The following UBXN11 variants were observed in gnomAD, a reference collection of about 807,000 sequenced individuals.
UBXN11 encodes the protein UBX domain protein 11.
UBXN11 carries 47 observed loss-of-function variants against 62.8 expected under a neutral mutation model. The ratio of observed to expected loss-of-function variants is 0.75; its 90% CI spans 0.59 to 0.95. The LOEUF is 0.95. Ranked by LOEUF, UBXN11 falls within the 40% of genes least tolerant of loss-of-function variation. The pLI is 0.00. For synonymous variants in UBXN11, 294 were observed against 267.0 expected (o/e 1.10, Z -0.99); for missense variants, 638 against 661.7 (o/e 0.96, Z 0.39).
rs539486100 is a variant in UBXN11 at position 26,311,692 on chromosome 1, C to T, written c.-148-4988G>A. 1.3e-3 allele frequency among the ~76,000 whole-genome samples: 196 copies of T among 152,306 alleles called. 1 individual carries two copies. Among genetic ancestry groups the T allele is most frequent in the Admixed American group, 3.7e-3 (56 of 15,294 alleles). ...TCCTGACCTCGTGATCCGCCCGCCT[C>T]GGCCTCCCAGAGTGTTGGGATTACA... On this transcript the variant is annotated intron_variant, in intron 1 of 14. Coordinates refer to the UBXN11 transcript ENST00000374217.
intron 8 of UBXN11, among the ~76,000 whole-genome samples, chr1:26,291,592 C>T (rs1481225077): frequency 1.3e-5 from 2 of 152,288 alleles, no homozygotes; most frequent in African/African-American, 4.8e-5. Flanking sequence ...CCCCCCTGGC[C>T]AGGAGGAAGG....
In UBXN11 at chr1:26,305,925, C is replaced by T. The variant is rs564896869; in HGVS notation, c.-36+667G>A. ...TCACTGCCCATTCTGGGGGCTGTCA[C>T]ATGGCTCCCAACTGACTTCCCTACT... is the stretch of plus-strand genomic sequence containing the variant. On this transcript the variant is annotated intron_variant, in intron 1 of 14. Transcript: ENST00000374222. 4.6e-5 allele frequency among the ~76,000 whole-genome samples: 7 copies of T among 152,364 alleles called. No individual in the cohort carries two copies. The South Asian group carries it at 1.4e-3, about 32-fold the overall frequency.
At chr1:26,293,724 C>CAAAAA (rs1163207554) in intron 8 of UBXN11, among the ~76,000 whole-genome samples, 457 of 26,934 alleles carry the variant, frequency 0.017, 105 homozygotes, top group Middle Eastern at 0.12. Flanking sequence ...GACTCCGTCT[C>CAAAAA]AAAAAAAAAA....
At chr1:26,283,147 C>T (rs550343223) in intron 12 of UBXN11, among the ~76,000 whole-genome samples, 6 of 152,140 alleles carry the variant, frequency 3.9e-5, no homozygotes, top group African/African-American at 1.4e-4. Flanking sequence ...CCAGGTAACC[C>T]CCCGTTTCAG....
Position 26,282,328 on chromosome 1 carries a change from AGGGACT to A in UBXN11, c.1528_1533del (p.Ser510_Pro511del). 2 of 776,108 alleles carry A rather than the reference AGGGACT, an allele frequency of 2.6e-6. No individual in the cohort carries two copies. The highest frequency in any genetic ancestry group is 4.4e-5 in the South Asian group (2 of 45,190). 48.1% of individuals were successfully genotyped at this position (776,108 alleles called of 1,614,324 possible). ...TGGGGGCTGGGACTGGGTCCAGGAC[AGGGACT>A]GGGGCCGGGACCGGGACCGGGACTG... On this transcript the variant is annotated inframe_deletion, in exon 15 of 15. Coordinates refer to ENST00000374222, the MANE Select transcript of UBXN11 (RefSeq NM_001389556.1).
At chr1:26,317,343 G>C (rs553853624) in intron 1 of UBXN11, among the ~76,000 whole-genome samples, 1 of 152,130 alleles carries the variant, frequency 6.6e-6, no homozygotes, top group South Asian at 2.1e-4. Context: ...GGCCTAGAGA[G>C]GGAAAGCCCA....
chr1:26,284,274 A>C (rs891432670), intron 11 of UBXN11, 29 bp from the exon 12 acceptor site: 5 of 1,607,050 alleles, frequency 3.1e-6, no homozygotes, highest in Non-Finnish European at 4.3e-6. Flanking sequence ...ACCGGGGCCC[A>C]GGAAGGACTA....
Position 26,294,354 on chromosome 1 carries a change from G to A in UBXN11, c.433-23C>T, listed in dbSNP as rs769733914. ...CCGCTGTGGGAAAGAAGGGGGAGATGCGGGGCACCGTCAGCTCAGCCCCTT... is the reference window on the plus strand; with the variant it reads ...CCGCTGTGGGAAAGAAGGGGGAGATACGGGGCACCGTCAGCTCAGCCCCTT... On this transcript the variant is annotated intron_variant, in intron 7 of 14. Coordinates refer to ENST00000374222, the MANE Select transcript of UBXN11 (RefSeq NM_001389556.1). The A allele has an allele frequency of 4.0e-6, 6 of 1,485,736 alleles. No individual in the cohort carries two copies. In the Admixed American group the frequency reaches 8.0e-5, roughly 20 times the overall value. The allele number at this position is 1,485,736 out of a possible 1,614,324, so 92.0% of individuals were successfully genotyped here.
intron 10 of UBXN11, 67 bp downstream of exon 10, chr1:26,285,397 G>A: frequency 1.3e-6 from 2 of 1,573,482 alleles, no homozygotes; most frequent in Non-Finnish European, 1.7e-6. Context: ...GGAGGTGTCT[G>A]GGGAGGCTGT....
intron 1 of UBXN11, among the ~76,000 whole-genome samples, chr1:26,317,372 G>A (rs746264861): frequency 5.3e-5 from 8 of 152,186 alleles, no homozygotes; most frequent in South Asian, 2.1e-4. Flanking sequence ...CAGGCTTCCC[G>A]ATTCCTCACC....
chr1:26,305,303 A>T (rs1035031224), intron 1 of UBXN11, among the ~76,000 whole-genome samples: 15 of 152,162 alleles, frequency 9.9e-5, no homozygotes, highest in Non-Finnish European at 1.8e-4. Context: ...AAGTTACACA[A>T]ATGGAATTAT....
Position 26,301,030 on chromosome 1 carries a change from G to A in UBXN11, c.101-6C>T, listed in dbSNP as rs1042500084. ...CAACATGTCCACCTCATCTTCTGCA[G>A]ACAGGGATGCCTAGGTCACCGCTCT... On this transcript the variant is annotated splice_region_variant and splice_polypyrimidine_tract_variant and intron_variant, in intron 3 of 14. Coordinates refer to ENST00000374222, the MANE Select transcript of UBXN11 (RefSeq NM_001389556.1). The A allele has an allele frequency of 7.4e-6, 12 of 1,614,256 alleles. No homozygotes were observed. In the South Asian group the frequency reaches 1.1e-4, roughly 15 times the overall value.
intron 4 of UBXN11, 54 bp downstream of exon 4, chr1:26,300,872 T>G: frequency 2.5e-6 from 4 of 1,613,418 alleles, no homozygotes; most frequent in African/African-American, 2.7e-5. Context: ...TTGCCCCGTC[T>G]CTGGGGCCCC....
intron 1 of UBXN11, among the ~76,000 whole-genome samples, chr1:26,303,630 CAAAAAAA>C (rs5773154): frequency 1.2e-5 from 1 of 80,072 alleles, no homozygotes; most frequent in African/African-American, 5.2e-5. Context: ...AACTCCATCT[CAAAAAAA>C]AAAAAAAAAA....
At chr1:26,300,879 C>G in intron 4 of UBXN11, 47 bp downstream of exon 4, 1 of 1,613,328 alleles carries the variant, frequency 6.2e-7, no homozygotes, top group Non-Finnish European at 8.5e-7. Context: ...GTCTCTGGGG[C>G]CCCCTCCTGC....
intron 8 of UBXN11, among the ~76,000 whole-genome samples, chr1:26,287,043 C>G (rs1193271562): frequency 6.6e-6 from 1 of 151,976 alleles, no homozygotes; most frequent in African/African-American, 2.4e-5. Flanking sequence ...AGGAAACAGG[C>G]CCACAGAGAT....
At position 26,284,267 on chromosome 1, in the gene UBXN11, G is replaced by A. The variant is rs541675189; in HGVS notation, c.974-22C>T. The A allele has an allele frequency of 1.1e-4, 173 of 1,606,486 alleles. 1 individual carries two copies. In the South Asian group the frequency reaches 1.6e-3, roughly 15 times the overall value. Reference sequence around the variant, plus strand: ...GAGCCTACAGGCAGAGTTGGGAACCGGGGCCCAGGAAGGACTATGAGTGGT... The same window carrying A: ...GAGCCTACAGGCAGAGTTGGGAACCAGGGCCCAGGAAGGACTATGAGTGGT... On this transcript the variant is annotated intron_variant, in intron 11 of 14. Transcript: ENST00000374222.
intron 2 of UBXN11, among the ~76,000 whole-genome samples, chr1:26,302,121 T>A (rs1315190350): frequency 6.6e-6 from 1 of 151,996 alleles, no homozygotes; most frequent in Non-Finnish European, 1.5e-5. Context: ...TTCCAGCACT[T>A]TGGGAGGCCG....
intron 5 of UBXN11, among the ~76,000 whole-genome samples, chr1:26,297,728 C>G (rs1156567047): frequency 6.6e-6 from 1 of 152,220 alleles, no homozygotes; most frequent in Non-Finnish European, 1.5e-5. Flanking sequence ...GTCCACTGTG[C>G]CACCCAGTCC....
Sources: allele counts gnomAD v4.1 joint callset (sites outside exome capture counted in the v4.1 genomes callset), GRCh38; gene constraint gnomAD v4.1.1; transcripts MANE v1.5; gene names NCBI Gene and HGNC (gene_info 2026-07-23, HGNC 2026-07-21).